The following NAV2 variants were observed in gnomAD, a reference collection of about 807,000 sequenced individuals.
NAV2 encodes helicase, APC down-regulated 1.
Under a neutral mutation model 223.2 loss-of-function variants are expected in NAV2, and 54 were observed. That is an observed-to-expected ratio of 0.24 (90% CI 0.19 to 0.30). The LOEUF (loss-of-function observed/expected upper bound fraction) is 0.30. NAV2 is among the 10% of genes least tolerant of loss of function. NAV2 has a pLI of 1.00. For synonymous variants in NAV2, 1,279 were observed against 1,239.3 expected, an observed-to-expected ratio of 1.03 and a Z score of -0.67; for missense variants, 2,806 against 3,147.5, an observed-to-expected ratio of 0.89 and a Z score of 2.60.
intron 1 of NAV2, chr11:19,507,187 T>A (rs1428965414): frequency 6.6e-6 from 1 of 152,246 alleles, no homozygotes; most frequent in African/African-American, 2.4e-5. Context: ...AGTACATACA[T>A]AATATAGCAG....
At position 20,045,121 on chromosome 11, in the gene NAV2, A is replaced by G; in HGVS notation, c.3353A>G (p.Asn1118Ser). ...TCTAGGACACCTACTGCCAATGCCA[A>G]CAGCTTTGGGTTCAAGAAGCAGAGT... ...SSSRTPTANA[N>S]SFGFKKQSGS... The change falls in exon 14 of 38, where the codon AAC (asparagine) becomes AGC (serine). Residue 1118 changes from asparagine (N) to serine (S), a missense_variant. Asn to Ser is a conservative substitution (Grantham distance 46). Transcript: ENST00000349880. 3 of 1,614,184 alleles carry G rather than the reference A, an allele frequency of 1.9e-6. No individual in the cohort carries two copies. Among genetic ancestry groups the G allele is most frequent in the Non-Finnish European group, 2.5e-6 (3 of 1,180,018 alleles).
intron 24 of NAV2, among the ~76,000 whole-genome samples, chr11:20,078,766 C>T (rs527803310): frequency 2.0e-5 from 3 of 152,270 alleles, no homozygotes; most frequent in African/African-American, 7.2e-5. Flanking sequence ...CCTAGGAAAA[C>T]ATTTCTAAGT....
At chr11:19,897,073 G>A (rs553145829) in intron 6 of NAV2, among the ~76,000 whole-genome samples, 1 of 151,752 alleles carries the variant, frequency 6.6e-6, no homozygotes, top group Non-Finnish European at 1.5e-5. Context: ...ATGAGTTCAT[G>A]TCCTTTGTAG....
At chr11:19,845,181 G>C (rs1274873022) in intron 3 of NAV2, among the ~76,000 whole-genome samples, 1 of 152,176 alleles carries the variant, frequency 6.6e-6, no homozygotes, top group Non-Finnish European at 1.5e-5. Flanking sequence ...AGCATATATA[G>C]AGTTAAAGCA....
rs918373612 is a variant in NAV2 at position 19,457,728 on chromosome 11, C to G, written c.75+106701C>G. On this transcript the variant is annotated intron_variant, in intron 1 of 37. Transcript: ENST00000360655. ...AGATGCCAGCCTGGGGTGTCACCAG[C>G]AAAGTGGAGAAAAGGAGACAGATTT... Among the ~76,000 whole-genome samples the G allele has an allele frequency of 2.7e-4, 41 of 152,110 alleles. 1 individual carries two copies. Among genetic ancestry groups the G allele is most frequent in the African/African-American group, 9.9e-4 (41 of 41,410 alleles).
At chr11:19,952,172 T>G (rs527693391) in intron 10 of NAV2, among the ~76,000 whole-genome samples, 1 of 152,328 alleles carries the variant, frequency 6.6e-6, no homozygotes, top group South Asian at 2.1e-4. Context: ...TTGTAAATAT[T>G]GAAAGGCTGG....
Position 19,443,957 on chromosome 11 carries a change from G to A in NAV2, c.75+92930G>A, listed in dbSNP as rs1444468232. Among the ~76,000 whole-genome samples the A allele has an allele frequency of 3.3e-5, 5 of 152,102 alleles. 1 individual carries two copies. Among genetic ancestry groups the A allele is most frequent in the Non-Finnish European group, 7.3e-5 (5 of 68,036 alleles). On this transcript the variant is annotated intron_variant, in intron 1 of 37. Transcript: ENST00000360655. Reference sequence around the variant, plus strand: ...GTTATTATTATTTTTTTGAGACGGAGTCTTGTTCTGTTGCCAAGCTGGAGT... The same window carrying A: ...GTTATTATTATTTTTTTGAGACGGAATCTTGTTCTGTTGCCAAGCTGGAGT...
intron 1 of NAV2, among the ~76,000 whole-genome samples, chr11:19,606,216 G>A (rs2046472495): frequency 6.6e-6 from 1 of 152,246 alleles, no homozygotes; most frequent in South Asian, 2.1e-4. Context: ...TGCAAAGCCT[G>A]AGCCTACTTA....
At chr11:19,581,214 T>G (rs2045706563) in intron 1 of NAV2, among the ~76,000 whole-genome samples, 1 of 152,194 alleles carries the variant, frequency 6.6e-6, no homozygotes, top group African/African-American at 2.4e-5. Context: ...GCATGTGACT[T>G]GGTTTTTTTA....
intron 1 of NAV2, among the ~76,000 whole-genome samples, chr11:19,383,321 G>A (rs1350955179): frequency 6.6e-6 from 1 of 152,218 alleles, no homozygotes; most frequent in Non-Finnish European, 1.5e-5. Flanking sequence ...AGGACTTAAA[G>A]GAGAGCCATA....
At chr11:19,529,443 C>T (rs1425517874) in intron 1 of NAV2, among the ~76,000 whole-genome samples, 2 of 152,198 alleles carry the variant, frequency 1.3e-5, no homozygotes, top group Admixed American at 6.5e-5. Context: ...CTGGGAGGCC[C>T]CCCAATACCA....
At chr11:19,351,290 TAAC>T (rs1248593706) in intron 1 of NAV2, among the ~76,000 whole-genome samples, 1 of 152,184 alleles carries the variant, frequency 6.6e-6, no homozygotes, top group African/African-American at 2.4e-5. Context: ...CTGAGGGAGT[TAAC>T]AAAAAATGTT....
chr11:19,503,551 A>T (rs2043024958), intron 1 of NAV2: 1 of 152,172 alleles, frequency 6.6e-6, no homozygotes, highest in Non-Finnish European at 1.5e-5. Context: ...GAATCATACA[A>T]TTTGTAGCTT....
chr11:19,953,857 G>A (rs559856316), intron 10 of NAV2, among the ~76,000 whole-genome samples: 1 of 143,790 alleles, frequency 7.0e-6, no homozygotes, highest in African/African-American at 2.6e-5. Flanking sequence ...GCACGCGCGC[G>A]CGTGTGTGTG....
At chr11:19,432,088 C>G (rs1451187529) in intron 1 of NAV2, among the ~76,000 whole-genome samples, 4 of 151,656 alleles carry the variant, frequency 2.6e-5, no homozygotes, top group Admixed American at 2.6e-4. Context: ...ATCCCAGCTA[C>G]TTGGGAAGCT....
At chr11:19,787,266 GGATCTTTTTTTTTTTT>G (rs1376027341) in intron 1 of NAV2, among the ~76,000 whole-genome samples, 3 of 83,030 alleles carry the variant, frequency 3.6e-5, no homozygotes, top group African/African-American at 1.0e-4. Context: ...AATTTTTATT[GGATCTTTTTTTTTTTT>G]TTTTTTTTTT....
chr11:19,466,480 C>T (rs1004596862), intron 1 of NAV2, among the ~76,000 whole-genome samples: 16 of 152,216 alleles, frequency 1.1e-4, no homozygotes, highest in African/African-American at 3.6e-4. Flanking sequence ...AAGCCAGCTG[C>T]TGCTCAGAGC....
intron 1 of NAV2, among the ~76,000 whole-genome samples, chr11:19,624,831 A>G (rs927529705): frequency 2.0e-5 from 3 of 152,234 alleles, no homozygotes; most frequent in Non-Finnish European, 4.4e-5. Flanking sequence ...AGAAATCACC[A>G]GTCTTCTGCA....
chr11:19,491,095 G>A (rs993057523), intron 1 of NAV2, among the ~76,000 whole-genome samples: 1 of 151,954 alleles, frequency 6.6e-6, no homozygotes, highest in Non-Finnish European at 1.5e-5. Flanking sequence ...AAATGAATGG[G>A]GTCTCATCCA....
Sources: allele counts gnomAD v4.1 joint callset (sites outside exome capture counted in the v4.1 genomes callset), GRCh38; gene constraint gnomAD v4.1.1; transcripts MANE v1.5; gene names NCBI Gene and HGNC (gene_info 2026-07-23, HGNC 2026-07-21).